FNTB: variants seen among roughly 807,000 people sequenced by gnomAD.
The protein encoded by FNTB is farnesyltransferase, CAAX box, subunit beta.
Under a neutral mutation model 59.4 loss-of-function variants are expected in FNTB, and 27 were observed. The ratio of observed to expected loss-of-function variants is 0.45; its 90% confidence interval spans 0.34 to 0.63. FNTB has a LOEUF of 0.63. Ranked by LOEUF, FNTB falls within the 20% of genes least tolerant of loss-of-function variation. The pLI is 0.02. For missense variants in FNTB, 449 were observed against 559.6 expected (o/e 0.80, Z 1.99); for synonymous variants, 230 against 220.7 (o/e 1.04, Z -0.37).
In FNTB at chr14:65,012,296, A is replaced by G. The variant is rs2061695932; in HGVS notation, c.210-21A>G. ...AAGCATAAGCTATTAGAATGGGCTT[A>G]TAAACTGTTTGTCTTTCCAGGCTTG... is the stretch of plus-strand genomic sequence containing the variant. On this transcript the variant is annotated intron_variant, in intron 2 of 11. Transcript: ENST00000246166. The surrounding 1 kb of genome is among the most constrained non-coding windows in gnomAD (Gnocchi z 5.0). 6.2e-7 allele frequency: 1 copy of G among 1,614,014 alleles called. No individual in the cohort carries two copies. Among genetic ancestry groups the G allele is most frequent in the Non-Finnish European group, 8.5e-7 (1 of 1,179,880 alleles).
chr14:65,012,185 G>GT lies in FNTB; in HGVS notation c.210-130dup, dbSNP rs370568656. ...CTCTTTGGAACCAGAGAAGTTGCTG[G>GT]TTATCCAGTCAGTGATTGCAGGGGG... On this transcript the variant is annotated intron_variant, in intron 2 of 11. Transcript: ENST00000246166. This position sits in a 1 kb window ranked among gnomAD's most constrained non-coding sequence, Gnocchi z 5.0. 4.6e-5 allele frequency: 50 copies of GT among 1,085,878 alleles called. No homozygotes were observed. The African/African-American group carries it at 7.4e-4, about 16-fold the overall frequency. 67.3% of individuals were successfully genotyped at this position (1,085,878 alleles called of 1,614,324 possible).
chr14:65,033,548 C>G (rs1447606236), intron 7 of FNTB, among the ~76,000 whole-genome samples: 2 of 152,106 alleles, frequency 1.3e-5, no homozygotes, highest in African/African-American at 4.8e-5. Context: ...CCTGGATGCT[C>G]CAAATATTTC....
intron 2 of FNTB, among the ~76,000 whole-genome samples, chr14:65,010,658 C>G (rs1200913635): frequency 6.6e-6 from 1 of 152,240 alleles, no homozygotes; most frequent in Non-Finnish European, 1.5e-5. Flanking sequence ...CTGATCATTT[C>G]TTTCCTCATC....
Position 64,993,033 on chromosome 14 carries a change from C to T in FNTB, c.144+5936C>T, listed in dbSNP as rs1888262377. On this transcript the variant is annotated intron_variant, in intron 1 of 11. Transcript: ENST00000246166. ...ATATTTTTTTGTAGAGACAGGGTTT[C>T]CCTGTGTTGCCCAGGCTGGTCCCGA... Among the ~76,000 whole-genome samples, 4 of 152,226 alleles carry T rather than the reference C, an allele frequency of 2.6e-5. No homozygotes were observed. In the South Asian group the frequency reaches 8.3e-4, roughly 32 times the overall value.
chr14:64,992,445 T>A (rs2140036511), intron 1 of FNTB, among the ~76,000 whole-genome samples: 1 of 152,368 alleles, frequency 6.6e-6, no homozygotes, highest in Non-Finnish European at 1.5e-5. Flanking sequence ...CTTTTCAGAC[T>A]CTTCACATGC....
chr14:65,061,203 A>G lies in FNTB; in HGVS notation c.1205A>G (p.Asn402Ser), dbSNP rs1252941204. ...CAGCAGCCCACTCACCCAGTGTACA[A>G]CATTGGACCAGACAAGGTGATCCAG... ...NALQPTHPVY[N>S]IGPDKVIQAT... is the part of the protein sequence containing the mutation. Residue 402 changes from asparagine to serine, a missense_variant, in exon 12 of 12, where the codon AAC (asparagine) becomes AGC (serine). Asn to Ser is a conservative substitution (Grantham distance 46). This residue lies in a region of FNTB where 337 missense variants were observed against 479.1 expected (regional missense o/e 0.70). Transcript: ENST00000246166. 1.2e-6 allele frequency: 2 copies of G among 1,614,050 alleles called. No individual in the cohort carries two copies. The highest frequency in any genetic ancestry group is 1.7e-6 in the Non-Finnish European group (2 of 1,180,032).
At chr14:65,038,704 C>G (rs891898598) in intron 7 of FNTB, among the ~76,000 whole-genome samples, 9 of 152,052 alleles carry the variant, frequency 5.9e-5, no homozygotes, top group African/African-American at 1.9e-4. Flanking sequence ...GGCATCAGAG[C>G]GAGACTCTGT....
intron 11 of FNTB, among the ~76,000 whole-genome samples, chr14:65,058,110 C>CTT (rs568696633): frequency 6.8e-6 from 1 of 147,468 alleles, no homozygotes; most frequent in African/African-American, 2.5e-5. Flanking sequence ...AGAGAACCAA[C>CTT]TTTTTTTTTT....
chr14:65,006,443 A>C (rs2061592247), intron 2 of FNTB, among the ~76,000 whole-genome samples: 1 of 152,232 alleles, frequency 6.6e-6, no homozygotes, highest in Non-Finnish European at 1.5e-5. Context: ...GACGCCATTT[A>C]TTTAAATAGC....
intron 11 of FNTB, among the ~76,000 whole-genome samples, chr14:65,059,843 T>C (rs576241243): frequency 3.4e-4 from 51 of 150,250 alleles, no homozygotes; most frequent in African/African-American, 1.1e-3. Context: ...TTTTCTTTTT[T>C]TTTTTTTTTT....
chr14:65,051,947 A>G (rs2062624329), intron 9 of FNTB, among the ~76,000 whole-genome samples: 1 of 151,568 alleles, frequency 6.6e-6, no homozygotes, highest in South Asian at 2.1e-4. Flanking sequence ...GGCGCCCACC[A>G]CCATGTCCGG....
In FNTB at chr14:65,023,725, G is replaced by T. The variant is rs2061928620; in HGVS notation, c.375-3728G>T. ...TCATGTGGCTAGTGGCTGCCTATTG[G>T]ACAGCACAGATGTATCTCATTGCTA... On this transcript the variant is annotated intron_variant, in intron 4 of 11. Transcript: ENST00000246166. This position sits in a 1 kb window ranked among gnomAD's most constrained non-coding sequence, Gnocchi z 4.1. Among the ~76,000 whole-genome samples the T allele has an allele frequency of 6.6e-6, 1 of 152,106 alleles. No homozygotes were observed. Among genetic ancestry groups the T allele is most frequent in the Non-Finnish European group, 1.5e-5 (1 of 68,010 alleles).
Position 65,012,434 on chromosome 14 carries a change from A to G in FNTB, c.282+45A>G. The G allele has an allele frequency of 1.9e-6, 3 of 1,611,072 alleles. No homozygotes were observed. The highest frequency in any genetic ancestry group is 2.5e-6 in the Non-Finnish European group (3 of 1,177,516). On this transcript the variant is annotated intron_variant, in intron 3 of 11. Transcript: ENST00000246166. This position sits in a 1 kb window ranked among gnomAD's most constrained non-coding sequence, Gnocchi z 5.0. ...ACTCTTGCTGTCAAATTATCCACCAAATCCTCCTCCTTTTTCTATTTAAAC... is the reference window on the plus strand; with the variant it reads ...ACTCTTGCTGTCAAATTATCCACCAGATCCTCCTCCTTTTTCTATTTAAAC...
chr14:65,002,949 A>T (rs1399585429), intron 1 of FNTB, among the ~76,000 whole-genome samples: 1 of 152,194 alleles, frequency 6.6e-6, no homozygotes, highest in African/African-American at 2.4e-5. Flanking sequence ...TATGATTCTA[A>T]TGTCAGAGAT....
At position 65,014,684 on chromosome 14, in the gene FNTB, T is replaced by C. The variant is rs888215040; in HGVS notation, c.283-941T>C. 1.3e-5 allele frequency among the ~76,000 whole-genome samples: 2 copies of C among 152,114 alleles called. No individual in the cohort carries two copies. The highest frequency in any genetic ancestry group is 4.8e-5 in the African/African-American group (2 of 41,414). On this transcript the variant is annotated intron_variant, in intron 3 of 11. Coordinates refer to ENST00000246166, the MANE Select transcript of FNTB (RefSeq NM_002028.4). The surrounding 1 kb of genome is among the most constrained non-coding windows in gnomAD (Gnocchi z 5.1). ...AAAAAATTAGCCAGGCATAGTGGTG[T>C]GTGCCCGTAGTCCCAGCTACTTAGG...
Position 65,011,932 on chromosome 14 carries a change from G to A in FNTB, c.210-385G>A, listed in dbSNP as rs1481719030. 2.6e-5 allele frequency among the ~76,000 whole-genome samples: 4 copies of A among 152,196 alleles called. No individual in the cohort carries two copies. Among genetic ancestry groups the A allele is most frequent in the Non-Finnish European group, 5.9e-5 (4 of 68,028 alleles). On this transcript the variant is annotated intron_variant, in intron 2 of 11. Coordinates refer to ENST00000246166, the MANE Select transcript of FNTB (RefSeq NM_002028.4). The surrounding 1 kb of genome is among the most constrained non-coding windows in gnomAD (Gnocchi z 4.0). ...TGAGGCAGGGAAGTGGCGAGGCTCA[G>A]ATTTAAATTGCTTATAGGATGGGGA...
At chr14:65,015,566 C>A in intron 3 of FNTB, 59 bp from the exon 4 acceptor site, 5 of 1,585,484 alleles carry the variant, frequency 3.2e-6, no homozygotes, top group Non-Finnish European at 4.3e-6. Flanking sequence ...ACAGCCTTGG[C>A]AGCAGTGTCT....
rs536457956 is a variant in FNTB at position 65,044,004 on chromosome 14, A to G, written c.823-307A>G. 1.0e-3 allele frequency among the ~76,000 whole-genome samples: 153 copies of G among 152,308 alleles called. No homozygotes were observed. The highest frequency in any genetic ancestry group is 1.9e-3 in the South Asian group (9 of 4,826). On this transcript the variant is annotated intron_variant, in intron 8 of 11. Coordinates refer to ENST00000246166, the MANE Select transcript of FNTB (RefSeq NM_002028.4). This position sits in a 1 kb window ranked among gnomAD's most constrained non-coding sequence, Gnocchi z 5.5. ...AAGAGACTTTGAAGGTCTCCTTACA[A>G]ACCAGCTTGGCCTCTTTATCTTCTC...
Position 64,987,051 on chromosome 14 carries a change from A to G in FNTB, c.98A>G (p.Glu33Gly), listed in dbSNP as rs1168329998. The G allele has an allele frequency of 1.2e-6, 2 of 1,614,158 alleles. No homozygotes were observed. The highest frequency in any genetic ancestry group is 8.5e-7 in the Non-Finnish European group (1 of 1,180,028). Residue 33 changes from glutamate to glycine, a missense_variant, in exon 1 of 12, where the codon GAG becomes GGG. Glu to Gly is a moderately conservative substitution (Grantham distance 98). Coordinates refer to ENST00000246166, the MANE Select transcript of FNTB (RefSeq NM_002028.4). ...LYSLRPEHAR[E>G]RLQDDSVETV... ...AGTCTGAGGCCCGAGCACGCGCGAG[A>G]GCGGTTGCAGGACGACTCGGTGGAA... is the stretch of plus-strand genomic sequence containing the variant.
Sources: gnomAD v4.1 joint callset for allele counts (sites outside exome capture counted in the v4.1 genomes callset) on GRCh38, gnomAD v4.1.1 for gene constraint, gnomAD v4.1.1 regional missense constraint, Gnocchi (gnomAD v3.1) non-coding constraint, MANE v1.5 for transcripts, NCBI Gene and HGNC (gene_info 2026-07-23, HGNC 2026-07-21) for gene names.